TSHR: variants seen among roughly 807,000 people sequenced by gnomAD.
TSHR encodes thyroid stimulating hormone receptor.
TSHR carries 51 observed loss-of-function variants against 64.1 expected under a neutral mutation model. That is an observed-to-expected ratio of 0.80 (90% CI 0.64 to 1.01). The LOEUF (loss-of-function observed/expected upper bound fraction) is 1.01, where lower values mean the gene tolerates loss of function less well. Ranked by LOEUF, TSHR falls within the 50% of genes least tolerant of loss-of-function variation. TSHR has a pLI of 0.00. For synonymous variants in TSHR, 361 were observed against 361.9 expected, an observed-to-expected ratio of 1.00 and a Z score of 0.03; for missense variants, 877 against 942.8, an observed-to-expected ratio of 0.93 and a Z score of 0.91.
intron 5 of TSHR, 82 bp downstream of exon 5, chr14:81,091,225 A>T: frequency 8.3e-7 from 1 of 1,208,220 alleles, no homozygotes; most frequent in East Asian, 2.3e-5. Flanking sequence ...GGGTAGGTTG[A>T]AGATAAGTAA....
At chr14:81,112,149 C>T (rs2140040718) in intron 8 of TSHR, among the ~76,000 whole-genome samples, 1 of 152,256 alleles carries the variant, frequency 6.6e-6, no homozygotes, top group Admixed American at 6.5e-5. Context: ...TGACTCCCAG[C>T]CCCATCACTT....
chr14:81,008,329 C>T lies in TSHR; in HGVS notation c.170+52479C>T, dbSNP rs536585032. ...CTGGGACTACAGGCGCCCCCCACCA[C>T]GCCCGGCTAATTTTTTGTATTTTTA... On this transcript the variant is annotated intron_variant, in intron 1 of 9. Transcript: ENST00000298171. 3.3e-5 allele frequency among the ~76,000 whole-genome samples: 5 copies of T among 152,146 alleles called. No individual in the cohort carries two copies. The South Asian group carries it at 8.3e-4, about 25-fold the overall frequency.
intron 1 of TSHR, chr14:80,983,539 A>G (rs745431380): frequency 1.5e-6 from 2 of 1,298,316 alleles, no homozygotes; most frequent in South Asian, 1.2e-5. Flanking sequence ...AACATAAAGG[A>G]GCATATCAGA....
chr14:80,979,178 T>G (rs1355338876), intron 1 of TSHR, among the ~76,000 whole-genome samples: 1 of 152,144 alleles, frequency 6.6e-6, no homozygotes, highest in East Asian at 1.9e-4. Context: ...GGATATCATG[T>G]TAAGTGAAAT....
Position 81,002,552 on chromosome 14 carries a change from T to C in TSHR, c.170+46702T>C, listed in dbSNP as rs555815167. On this transcript the variant is annotated intron_variant, in intron 1 of 9. Transcript: ENST00000298171. ...GGTTTGCTATTATCATCAACCTTAA[T>C]CCTTCACTCTACCCAAAAATATTAC... Among the ~76,000 whole-genome samples the C allele has an allele frequency of 2.2e-4, 33 of 152,268 alleles. 2 individuals are homozygous for C. The highest frequency in any genetic ancestry group is 1.0e-3 in the Admixed American group (16 of 15,292).
At chr14:81,073,896 A>G (rs1345613917) in intron 3 of TSHR, among the ~76,000 whole-genome samples, 1 of 152,142 alleles carries the variant, frequency 6.6e-6, no homozygotes, top group East Asian at 1.9e-4. Flanking sequence ...TCTGACTCCA[A>G]ATCTCATATC....
chr14:81,034,319 A>G (rs1414999374), intron 1 of TSHR, among the ~76,000 whole-genome samples: 1 of 152,202 alleles, frequency 6.6e-6, no homozygotes, highest in Non-Finnish European at 1.5e-5. Flanking sequence ...CTTAGCCTTT[A>G]TTGATAGCTT....
At chr14:81,101,855 C>A (rs977277680) in intron 7 of TSHR, among the ~76,000 whole-genome samples, 1 of 152,042 alleles carries the variant, frequency 6.6e-6, no homozygotes, top group African/African-American at 2.4e-5. Context: ...GTAGCCCTGG[C>A]CTGGAAAGGA....
chr14:81,135,863 C>A (rs1273530045), intron 8 of TSHR, among the ~76,000 whole-genome samples: 2 of 152,142 alleles, frequency 1.3e-5, no homozygotes, highest in Non-Finnish European at 2.9e-5. Flanking sequence ...CAGATCACTG[C>A]AAGGGTGGTT....
At chr14:81,094,826 A>G (rs926294423) in intron 6 of TSHR, among the ~76,000 whole-genome samples, 1 of 151,362 alleles carries the variant, frequency 6.6e-6, no homozygotes, top group Non-Finnish European at 1.5e-5. Context: ...AGCTCCTTTT[A>G]ACATGGTCAC....
intron 7 of TSHR, chr14:81,104,026 G>C (rs1222476342): frequency 1.0e-6 from 1 of 985,306 alleles, no homozygotes; most frequent in Non-Finnish European, 1.2e-6. Flanking sequence ...ACTGGGAAAA[G>C]ACAATGATAG....
chr14:81,062,620 A>G (rs912039279), intron 2 of TSHR, among the ~76,000 whole-genome samples: 2 of 152,172 alleles, frequency 1.3e-5, no homozygotes, highest in East Asian at 3.9e-4. Context: ...TTCACTACTA[A>G]TACAAATATT....
At chr14:81,011,126 T>A (rs1232460371) in intron 1 of TSHR, among the ~76,000 whole-genome samples, 2 of 152,220 alleles carry the variant, frequency 1.3e-5, no homozygotes, top group Non-Finnish European at 2.9e-5. Context: ...TCTTGTACGA[T>A]CCAGGCCCAG....
Position 81,103,984 on chromosome 14 carries a change from C to T in TSHR, c.615-4391C>T, listed in dbSNP as rs1441968292. The T allele has an allele frequency of 2.0e-6, 2 of 985,270 alleles. No homozygotes were observed. The allele number at this position is 985,270 out of a possible 1,614,324, so 61.0% of individuals were successfully genotyped here. On this transcript the variant is annotated intron_variant, in intron 7 of 9. Transcript: ENST00000298171. The surrounding 1 kb of genome is among the most constrained non-coding windows in gnomAD (Gnocchi z 4.1). Reference sequence around the variant, plus strand: ...TGTGCTAATTAGCATCATGCATTAGCTGATTCGAAGTAAAACACCACATCT... The same window carrying T: ...TGTGCTAATTAGCATCATGCATTAGTTGATTCGAAGTAAAACACCACATCT...
chr14:81,018,704 C>T (rs954800678), intron 1 of TSHR, among the ~76,000 whole-genome samples: 2 of 152,184 alleles, frequency 1.3e-5, no homozygotes, highest in Non-Finnish European at 2.9e-5. Flanking sequence ...CCTTTGATGG[C>T]TGTGACCTCC....
intron 8 of TSHR, among the ~76,000 whole-genome samples, chr14:81,125,737 G>A (rs924375229): frequency 7.2e-5 from 11 of 152,086 alleles, no homozygotes; most frequent in South Asian, 2.1e-4. Context: ...CCTGCTCACC[G>A]ACTGTGAAAT....
chr14:80,996,616 C>T (rs192683056), intron 1 of TSHR, among the ~76,000 whole-genome samples: 48 of 152,158 alleles, frequency 3.2e-4, no homozygotes, highest in Admixed American at 8.5e-4. Flanking sequence ...AAGCACTGTT[C>T]GAGCAATCAG....
chr14:81,037,540 G>A (rs1352959700), intron 1 of TSHR, among the ~76,000 whole-genome samples: 1 of 151,468 alleles, frequency 6.6e-6, no homozygotes, highest in Non-Finnish European at 1.5e-5. Flanking sequence ...CCAATTAAAA[G>A]ATATAGAGTG....
chr14:81,108,926 A>AT (rs1482930367), intron 8 of TSHR: 1 of 1,392,030 alleles, frequency 7.2e-7, no homozygotes, highest in Non-Finnish European at 9.3e-7. Flanking sequence ...GAATAAAAAC[A>AT]TTTTTTAAAC....
Sources: gnomAD v4.1 joint callset for allele counts (sites outside exome capture counted in the v4.1 genomes callset) on GRCh38, gnomAD v4.1.1 for gene constraint, Gnocchi (gnomAD v3.1) non-coding constraint, MANE v1.5 for transcripts, NCBI Gene and HGNC (gene_info 2026-07-23, HGNC 2026-07-21) for gene names.